The following FSIP1 variants were observed in gnomAD, a reference collection of about 807,000 sequenced individuals.
FSIP1 encodes fibrous sheath interacting protein 1.
In FSIP1, 65 loss-of-function variants were observed where a neutral mutation model predicts 60.9. That is an observed-to-expected ratio of 1.07 (90% confidence interval 0.87 to 1.31). The LOEUF is 1.31. Among genes scored for constraint, FSIP1 ranks in the 40% most tolerant of loss-of-function variants. FSIP1 has a pLI of 0.00. For synonymous variants in FSIP1, 209 were observed against 221.2 expected (o/e 0.94, Z 0.49); for missense variants, 675 against 665.5 (o/e 1.01, Z -0.16).
chr15:39,704,260 A>G (rs746441241), intron 10 of FSIP1, among the ~76,000 whole-genome samples: 1 of 152,234 alleles, frequency 6.6e-6, no homozygotes, highest in Non-Finnish European at 1.5e-5. Context: ...TGAAAAAAAG[A>G]TTAAAATAAT....
At chr15:39,688,954 C>G (rs1894491357) in intron 10 of FSIP1, among the ~76,000 whole-genome samples, 1 of 152,172 alleles carries the variant, frequency 6.6e-6, no homozygotes, top group Admixed American at 6.5e-5. Context: ...CAAGAATTTT[C>G]AGTGGCATTA....
intron 10 of FSIP1, among the ~76,000 whole-genome samples, chr15:39,620,080 C>CA (rs36102767): frequency 3.3e-5 from 5 of 150,188 alleles, no homozygotes; most frequent in Admixed American, 6.6e-5. Flanking sequence ...AAAAGTTTTA[C>CA]AAAAAAAAGG....
chr15:39,622,467 A>G (rs1891474147), intron 10 of FSIP1, among the ~76,000 whole-genome samples: 1 of 152,246 alleles, frequency 6.6e-6, no homozygotes, highest in African/African-American at 2.4e-5. Context: ...AAAGAATAGA[A>G]TACACATGCA....
intron 8 of FSIP1, 105 bp from the exon 9 acceptor site, chr15:39,726,852 A>ACACAC: frequency 1.6e-6 from 1 of 621,962 alleles, no homozygotes; most frequent in Admixed American, 3.0e-5. Context: ...TACACACACA[A>ACACAC]ACACACACAC....
At chr15:39,780,775 G>C (rs914301479) in intron 1 of FSIP1, among the ~76,000 whole-genome samples, 1 of 152,126 alleles carries the variant, frequency 6.6e-6, no homozygotes, top group Non-Finnish European at 1.5e-5. Flanking sequence ...TTGTAGTAAA[G>C]ACAGGTTTCA....
chr15:39,654,670 C>T (rs949807915), intron 10 of FSIP1, among the ~76,000 whole-genome samples: 1 of 152,172 alleles, frequency 6.6e-6, no homozygotes. Flanking sequence ...CACGTATATT[C>T]GTTTTTCAGC....
chr15:39,776,323 T>C (rs1007116656), intron 2 of FSIP1, 76 bp downstream of exon 2: 11 of 1,417,344 alleles, frequency 7.8e-6, no homozygotes, highest in Non-Finnish European at 1.1e-5. Context: ...AAATGGGATG[T>C]TAACAACAAC....
chr15:39,639,086 G>A (rs1415040810), intron 10 of FSIP1, among the ~76,000 whole-genome samples: 1 of 152,150 alleles, frequency 6.6e-6, no homozygotes, highest in Non-Finnish European at 1.5e-5. Flanking sequence ...AAAACAAAGA[G>A]AAAAAAGAGC....
At chr15:39,632,525 T>G (rs1891939424) in intron 10 of FSIP1, among the ~76,000 whole-genome samples, 1 of 152,036 alleles carries the variant, frequency 6.6e-6, no homozygotes, top group South Asian at 2.1e-4. Context: ...CCAGGCATGG[T>G]GGCTCAAGCC....
chr15:39,691,661 G>A lies in FSIP1; in HGVS notation c.1188+21783C>T, dbSNP rs1453542966. Among the ~76,000 whole-genome samples the A allele has an allele frequency of 3.3e-5, 5 of 152,192 alleles. No homozygotes were observed. In the East Asian group the frequency reaches 9.6e-4, roughly 29 times the overall value. On this transcript the variant is annotated intron_variant, in intron 10 of 11. Transcript: ENST00000350221. ...TGATAAGATAAAGATGGCAGAAGGG[G>A]ACTGTTTGATGGGTACACTTTTTTT...
intron 11 of FSIP1, among the ~76,000 whole-genome samples, chr15:39,617,239 T>A (rs937938867): frequency 3.3e-5 from 5 of 152,180 alleles, no homozygotes; most frequent in African/African-American, 1.2e-4. Flanking sequence ...TCCTGTACCA[T>A]GACCATTGCA....
chr15:39,646,520 CAAA>C (rs71132108), intron 10 of FSIP1, among the ~76,000 whole-genome samples: 6 of 27,088 alleles, frequency 2.2e-4, no homozygotes, highest in East Asian at 1.7e-3. Context: ...CTCATCTCTA[CAAA>C]AAAAAAAAAA....
At position 39,648,168 on chromosome 15, in the gene FSIP1, T is replaced by TAA. The variant is rs59445778; in HGVS notation, c.1189-29925_1189-29924dup. Among the ~76,000 whole-genome samples the TAA allele has an allele frequency of 8.0e-5, 6 of 74,860 alleles. No homozygotes were observed. In the Admixed American group the frequency reaches 8.2e-4, roughly 10 times the overall value. The allele number at this position is 74,860 out of a possible 152,430, so 49.1% of individuals were successfully genotyped here. A position where few individuals can be genotyped will look rare whatever the true frequency, so the allele number is the denominator to read the frequency against. ...ATGTACCCTAAAACTTAAAGTATAA[T>TAA]AAAAAAAAAAAGAAAAAAAAAGAAT... On this transcript the variant is annotated intron_variant, in intron 10 of 11. Transcript: ENST00000350221.
intron 5 of FSIP1, among the ~76,000 whole-genome samples, chr15:39,744,827 C>A (rs1199216291): frequency 7.3e-6 from 1 of 136,214 alleles, no homozygotes; most frequent in East Asian, 2.8e-4. Context: ...CCACAGCTGG[C>A]CAGCCTGTGG....
At chr15:39,688,387 A>G (rs1894468153) in intron 10 of FSIP1, among the ~76,000 whole-genome samples, 1 of 152,206 alleles carries the variant, frequency 6.6e-6, no homozygotes. Context: ...TACAGTTGGG[A>G]AAAGTCATCT....
intron 10 of FSIP1, among the ~76,000 whole-genome samples, chr15:39,647,714 C>T (rs952634036): frequency 6.6e-6 from 1 of 151,644 alleles, no homozygotes; most frequent in Admixed American, 6.6e-5. Flanking sequence ...AGAATGAAAA[C>T]ACACATGTAC....
intron 10 of FSIP1, among the ~76,000 whole-genome samples, chr15:39,641,105 C>A (rs1477712431): frequency 6.6e-6 from 1 of 152,118 alleles, no homozygotes; most frequent in Non-Finnish European, 1.5e-5. Flanking sequence ...ATATAAAGAT[C>A]TATTAGACAC....
intron 9 of FSIP1, among the ~76,000 whole-genome samples, chr15:39,716,844 C>T (rs1895760943): frequency 1.8e-5 from 2 of 111,338 alleles, no homozygotes. Flanking sequence ...GAGACGGAGT[C>T]TCGCTCTGTT....
At chr15:39,699,057 G>A (rs1894947410) in intron 10 of FSIP1, among the ~76,000 whole-genome samples, 1 of 152,214 alleles carries the variant, frequency 6.6e-6, no homozygotes, top group Non-Finnish European at 1.5e-5. Context: ...TGTTCAGGCA[G>A]TGTATCTATG....
Sources: gnomAD v4.1 joint callset for allele counts (sites outside exome capture counted in the v4.1 genomes callset) on GRCh38, gnomAD v4.1.1 for gene constraint, MANE v1.5 for transcripts, NCBI Gene and HGNC (gene_info 2026-07-23, HGNC 2026-07-21) for gene names.